Variants in CHD5 observed in about 807,000 individuals in gnomAD.
The protein encoded by CHD5 is chromodomain helicase DNA binding protein 5.
CHD5 carries 69 observed loss-of-function variants against 230.3 expected under a neutral mutation model. The ratio of observed to expected loss-of-function variants is 0.30; its 90% CI spans 0.25 to 0.37. The LOEUF is 0.37. CHD5 is among the 10% of genes least tolerant of loss of function. The pLI, the probability that CHD5 is intolerant of heterozygous loss-of-function variation, is 1.00. For missense variants in CHD5, 1,827 were observed against 2,622.8 expected (o/e 0.70, Z 6.63); for synonymous variants, 1,064 against 1,065.9 (o/e 1.00, Z 0.03).
rs774052512 is a variant in CHD5, at chr1:6,129,046, G to A, written c.3411C>T (p.Ile1137=). 8.3e-5 allele frequency: 133 copies of A among 1,605,434 alleles called. No individual in the cohort carries two copies. The East Asian group carries it at 1.6e-3, about 19-fold the overall frequency. ...AGATCATCACCTTCTTGTTCTGGCC[G>A]ATGCGGTGGGCGCGGCTGAAGGCCT... The part of the protein sequence containing the change: ...DIQAFSRAHR[I]GQNKKVMIYR... Residue 1137 remains isoleucine (I), a synonymous_variant, in exon 23 of 42, where the codon ATC becomes ATT. Coordinates refer to ENST00000262450, the MANE Select transcript of CHD5 (RefSeq NM_015557.3). This position sits in a 1 kb window ranked among gnomAD's most constrained non-coding sequence, Gnocchi z 6.8.
Position 6,130,192 on chromosome 1 carries a change from A to G in CHD5, c.3387+12T>C, listed in dbSNP as rs771700310. 2 of 1,613,608 alleles carry G rather than the reference A, an allele frequency of 1.2e-6. No individual in the cohort carries two copies. Among genetic ancestry groups the G allele is most frequent in the Admixed American group, 1.7e-5 (1 of 60,016 alleles). ...GCCCCCTGGGAGGGTGGTGGGCGGCAGCAGCACAGACCTGGATGTCATTGT... is the reference window on the plus strand; with the variant it reads ...GCCCCCTGGGAGGGTGGTGGGCGGCGGCAGCACAGACCTGGATGTCATTGT... On this transcript the variant is annotated intron_variant, in intron 22 of 41. Transcript: ENST00000262450. The surrounding 1 kb of genome is among the most constrained non-coding windows in gnomAD (Gnocchi z 4.9).
In CHD5 at chr1:6,113,103, C is replaced by T. The variant is rs1666318926; in HGVS notation, c.4913-105G>A. The T allele has an allele frequency of 3.8e-6, 3 of 786,394 alleles. No individual in the cohort carries two copies. The East Asian group carries it at 7.4e-5, about 19-fold the overall frequency. 48.7% of individuals were successfully genotyped at this position (786,394 alleles called of 1,614,324 possible). ...ATGGAACCCTATCCATCAATATGTT[C>T]CGCAGAGTCCAACAGGTGCCACCAA... On this transcript the variant is annotated intron_variant, in intron 33 of 41. Coordinates refer to ENST00000262450, the MANE Select transcript of CHD5 (RefSeq NM_015557.3).
chr1:6,114,413 C>T (rs1474609043), intron 33 of CHD5, among the ~76,000 whole-genome samples: 1 of 152,020 alleles, frequency 6.6e-6, no homozygotes, highest in Non-Finnish European at 1.5e-5. Flanking sequence ...TTTCGGCTTC[C>T]CTGGGCCACA....
intron 33 of CHD5, among the ~76,000 whole-genome samples, chr1:6,119,569 C>A (rs1666432587): frequency 6.6e-6 from 1 of 152,054 alleles, no homozygotes; most frequent in South Asian, 2.1e-4. Context: ...GAGATTAATC[C>A]ATAATCATAA....
chr1:6,145,340 CT>C (rs1344860506), intron 11 of CHD5, among the ~76,000 whole-genome samples: 1 of 152,240 alleles, frequency 6.6e-6, no homozygotes, highest in African/African-American at 2.4e-5. Flanking sequence ...GCCAGAAGCA[CT>C]GAGTGTCAGA....
chr1:6,132,880 T>TTCTCTCTCTC (rs111561200), intron 20 of CHD5, among the ~76,000 whole-genome samples: 14,005 of 144,362 alleles, frequency 0.097, 863 homozygotes, highest in East Asian at 0.28. Context: ...TCCTATTCTT[T>TTCTCTCTCTC]TCTCTCTCTC....
chr1:6,111,971 C>A (rs1219151795), intron 35 of CHD5, 88 bp from the exon 36 acceptor site: 2 of 1,385,958 alleles, frequency 1.4e-6, no homozygotes, highest in Non-Finnish European at 2.0e-6. Flanking sequence ...TCCCTACTTG[C>A]CACTGCCTCC....
Position 6,146,879 on chromosome 1 carries a change from C to G in CHD5, c.1384-8G>C, listed in dbSNP as rs1375536014. On this transcript the variant is annotated splice_region_variant and splice_polypyrimidine_tract_variant and intron_variant, in intron 9 of 41. Coordinates refer to ENST00000262450, the MANE Select transcript of CHD5 (RefSeq NM_015557.3). The surrounding 1 kb of genome is among the most constrained non-coding windows in gnomAD (Gnocchi z 5.1). Reference sequence around the variant, plus strand: ...GCCCTTCAGTGGGGGGCACTGTGGACAGAGAAGGGTCCCCAAGGTGGGGCT... The same window carrying G: ...GCCCTTCAGTGGGGGGCACTGTGGAGAGAGAAGGGTCCCCAAGGTGGGGCT... The G allele has an allele frequency of 6.7e-6, 10 of 1,487,904 alleles. No homozygotes were observed. Among genetic ancestry groups the G allele is most frequent in the African/African-American group, 2.8e-5 (2 of 71,672 alleles). The allele number at this position is 1,487,904 out of a possible 1,614,324, so 92.2% of individuals were successfully genotyped here. A position where few individuals can be genotyped will look rare whatever the true frequency, so the allele number is the denominator to read the frequency against.
chr1:6,105,179 C>T lies in CHD5; in HGVS notation c.*295G>A. 2.9e-6 allele frequency: 1 copy of T among 349,562 alleles called. No individual in the cohort carries two copies. The allele number at this position is 349,562 out of a possible 1,614,324, so 21.7% of individuals were successfully genotyped here. ...GATGTACAAATAAATGAAATCTCTT[C>T]TAAGAAGTCGTCTGGAAAAGGTGGC... is the stretch of plus-strand genomic sequence containing the variant. On this transcript the variant is annotated 3_prime_UTR_variant, in exon 42 of 42. Coordinates refer to ENST00000262450, the MANE Select transcript of CHD5 (RefSeq NM_015557.3). This position sits in a 1 kb window ranked among gnomAD's most constrained non-coding sequence, Gnocchi z 4.8.
intron 1 of CHD5, among the ~76,000 whole-genome samples, chr1:6,170,030 G>A (rs1007394509): frequency 3.3e-5 from 5 of 152,132 alleles, no homozygotes; most frequent in Non-Finnish European, 7.4e-5. Flanking sequence ...CCAGGAAGGG[G>A]GCAGAGTGTC....
At position 6,125,677 on chromosome 1, in the gene CHD5, C is replaced by A. The variant is rs549652516; in HGVS notation, c.4172-65G>T. On this transcript the variant is annotated intron_variant, in intron 27 of 41. Transcript: ENST00000262450. This position sits in a 1 kb window ranked among gnomAD's most constrained non-coding sequence, Gnocchi z 6.7. ...AGAGATTCCTGATCCCCAAGGACAGCGGGACCCCAGACCAGCCCCGCTCCT... is the reference window on the plus strand; with the variant it reads ...AGAGATTCCTGATCCCCAAGGACAGAGGGACCCCAGACCAGCCCCGCTCCT... The A allele has an allele frequency of 6.2e-7, 1 of 1,602,064 alleles. No individual in the cohort carries two copies. Among genetic ancestry groups the A allele is most frequent in the South Asian group, 1.1e-5 (1 of 90,826 alleles).
At chr1:6,171,996 G>T (rs1170541676) in intron 1 of CHD5, among the ~76,000 whole-genome samples, 1 of 152,222 alleles carries the variant, frequency 6.6e-6, no homozygotes, top group Admixed American at 6.5e-5. Flanking sequence ...CCACCTCCTG[G>T]GGGTGGAGGC....
chr1:6,106,663 T>C lies in CHD5; in HGVS notation c.5695A>G (p.Ile1899Val). The C allele has an allele frequency of 6.2e-7, 1 of 1,609,120 alleles. No individual in the cohort carries two copies. The highest frequency in any genetic ancestry group is 8.5e-7 in the Non-Finnish European group (1 of 1,178,458). ...GCGCGGTTGGTCAGGCGGCTCAGGA[T>C]GCTGCGCTCCGACATCTGCAGCCGG... Reference protein sequence around the residue: ...AARLQMSERSILSRLTNRAGD... With the variant: ...AARLQMSERSVLSRLTNRAGD... The change falls in exon 39 of 42, where the codon ATC becomes GTC. Residue 1899 changes from isoleucine (I) to valine (V), a missense_variant. This residue lies in a region of CHD5 where 208 missense variants were observed against 302.0 expected (regional missense o/e 0.69). Coordinates refer to ENST00000262450, the MANE Select transcript of CHD5 (RefSeq NM_015557.3).
intron 1 of CHD5, 87 bp downstream of exon 1, chr1:6,179,858 G>T: frequency 1.8e-6 from 1 of 542,124 alleles, no homozygotes; most frequent in Non-Finnish European, 2.1e-6. Context: ...CGGCCGCGCC[G>T]CCCCCGCCGC....
At chr1:6,169,725 G>C (rs368234118) in intron 1 of CHD5, among the ~76,000 whole-genome samples, 1 of 152,270 alleles carries the variant, frequency 6.6e-6, no homozygotes, top group East Asian at 1.9e-4. Flanking sequence ...ACCTCCAAGA[G>C]TCCTCTAGAA....
In CHD5 at chr1:6,129,427, C is replaced by T. The variant is rs1179970725; in HGVS notation, c.3388-358G>A. ...ACGGGGAGGTAGGAGGCTGCATTTCCCTGTGAGCGAACCACTAATGGGACC... is the reference window on the plus strand; with the variant it reads ...ACGGGGAGGTAGGAGGCTGCATTTCTCTGTGAGCGAACCACTAATGGGACC... On this transcript the variant is annotated intron_variant, in intron 22 of 41. Coordinates refer to ENST00000262450, the MANE Select transcript of CHD5 (RefSeq NM_015557.3). The surrounding 1 kb of genome is among the most constrained non-coding windows in gnomAD (Gnocchi z 6.8). Among the ~76,000 whole-genome samples the T allele has an allele frequency of 6.6e-6, 1 of 152,142 alleles. No individual in the cohort carries two copies. The highest frequency in any genetic ancestry group is 1.5e-5 in the Non-Finnish European group (1 of 68,008).
intron 13 of CHD5, among the ~76,000 whole-genome samples, chr1:6,143,171 G>T (rs751619399): frequency 6.6e-6 from 1 of 151,984 alleles, no homozygotes; most frequent in Non-Finnish European, 1.5e-5. Context: ...TCCTACCTCA[G>T]CCTCCCTAGT....
rs74613724 is a variant in CHD5, at chr1:6,124,800, C to T, written c.4395-139G>A. The T allele has an allele frequency of 0.057, 39,064 of 686,144 alleles. 1,290 individuals carry two copies. The highest frequency in any genetic ancestry group is 0.083 in the African/African-American group (4,622 of 55,570). The allele number at this position is 686,144 out of a possible 1,614,324, so 42.5% of individuals were successfully genotyped here. On this transcript the variant is annotated intron_variant, in intron 29 of 41. Transcript: ENST00000262450. ...CTCCTAGTCAGGCCTGGGCCAGGCC[C>T]GGGAAAGGACAGAGAGGGCCTCCCT...
chr1:6,123,468 C>A (rs11121262), intron 31 of CHD5, among the ~76,000 whole-genome samples: 1 of 151,808 alleles, frequency 6.6e-6, no homozygotes, highest in Non-Finnish European at 1.5e-5. Context: ...CTTTGTCCCC[C>A]CAGGCTGGAG....
Sources: gnomAD v4.1 joint callset for allele counts (sites outside exome capture counted in the v4.1 genomes callset) on GRCh38, gnomAD v4.1.1 for gene constraint, gnomAD v4.1.1 regional missense constraint, Gnocchi (gnomAD v3.1) non-coding constraint, MANE v1.5 for transcripts, NCBI Gene and HGNC (gene_info 2026-07-23, HGNC 2026-07-21) for gene names.